The following TCEA2 variants were observed in gnomAD, a reference collection of about 807,000 sequenced individuals.
TCEA2 encodes the protein transcription elongation factor A protein 2.
TCEA2 carries 21 observed loss-of-function variants against 40.8 expected under a neutral mutation model. The ratio of observed to expected loss-of-function variants is 0.51; its 90% CI spans 0.36 to 0.74. The LOEUF (loss-of-function observed/expected upper bound fraction) is 0.74, where lower values mean the gene tolerates loss of function less well. Among genes scored for constraint, TCEA2 ranks in the 30% least tolerant of loss-of-function variants. TCEA2 has a pLI of 0.00. For synonymous variants in TCEA2, 165 were observed against 162.7 expected (o/e 1.01, Z -0.11); for missense variants, 326 against 426.5 (o/e 0.76, Z 2.08).
intron 2 of TCEA2, 90 bp from the exon 3 acceptor site, chr20:64,066,825 G>A: frequency 7.5e-7 from 1 of 1,332,066 alleles, no homozygotes; most frequent in Non-Finnish European, 1.1e-6. Flanking sequence ...CCGGGCTCCT[G>A]TCCTGTGGGG....
chr20:64,062,970 G>A (rs2059598585), upstream of TCEA2: 1 of 176,268 alleles, frequency 5.7e-6, no homozygotes, highest in South Asian at 2.0e-4. Context: ...GCTCTGGGAG[G>A]GGCGTGCCCG....
chr20:64,071,273 G>A (rs941146865), intron 8 of TCEA2, among the ~76,000 whole-genome samples: 4 of 152,090 alleles, frequency 2.6e-5, no homozygotes, highest in Admixed American at 6.5e-5. Flanking sequence ...ACTTGAACCC[G>A]GGAGACAGAG....
intron 4 of TCEA2, among the ~76,000 whole-genome samples, chr20:64,068,490 G>A (rs537944567): frequency 1.5e-4 from 23 of 152,324 alleles, no homozygotes; most frequent in African/African-American, 5.1e-4. Context: ...CTCAACGACG[G>A]TCCCTCCTTC....
Position 64,072,258 on chromosome 20 carries a change from T to C in TCEA2, c.*78T>C. On this transcript the variant is annotated 3_prime_UTR_variant, in exon 10 of 10. Coordinates refer to ENST00000343484, the MANE Select transcript of TCEA2 (RefSeq NM_003195.6). ...GTTGACACAGCTTCTCTGGAGACCCTAGAAGGCGGCATGTCCTGCCCTCAA... is the reference window on the plus strand; with the variant it reads ...GTTGACACAGCTTCTCTGGAGACCCCAGAAGGCGGCATGTCCTGCCCTCAA... The C allele has an allele frequency of 6.5e-7, 1 of 1,535,862 alleles. No individual in the cohort carries two copies. Among genetic ancestry groups the C allele is most frequent in the South Asian group, 1.2e-5 (1 of 86,638 alleles).
At chr20:64,067,703 T>C (rs1394468299) in intron 3 of TCEA2, among the ~76,000 whole-genome samples, 1 of 152,234 alleles carries the variant, frequency 6.6e-6, no homozygotes, top group Non-Finnish European at 1.5e-5. Context: ...GGAAGAGCCT[T>C]CTTGGGGACA....
intron 4 of TCEA2, among the ~76,000 whole-genome samples, chr20:64,069,031 G>A (rs1053728450): frequency 6.6e-6 from 1 of 152,252 alleles, no homozygotes; most frequent in Non-Finnish European, 1.5e-5. Flanking sequence ...CCCAGAGGTG[G>A]CAGGAACTGC....
intron 6 of TCEA2, 199 bp from the exon 7 acceptor site, chr20:64,070,061 G>A (rs2059793059): frequency 3.3e-6 from 3 of 904,508 alleles, no homozygotes; most frequent in Non-Finnish European, 5.2e-6. Context: ...CCTGAAGCTG[G>A]GTCTCAGTCA....
At chr20:64,062,619 G>C (rs116773658), upstream of TCEA2, 47 of 152,420 alleles carry the variant, frequency 3.1e-4, no homozygotes, top group African/African-American at 1.1e-3. Context: ...CCCGCACTTC[G>C]CGAACCCCAG....
chr20:64,060,046 A>G (rs2059532200), upstream of TCEA2, among the ~76,000 whole-genome samples: 1 of 152,168 alleles, frequency 6.6e-6, no homozygotes. Context: ...GCACAACTGC[A>G]CAGCCTCCTC....
rs1054457891 is a variant in TCEA2 at position 64,072,167 on chromosome 20, C to T, written c.892-5C>T. 6.2e-6 allele frequency: 10 copies of T among 1,613,570 alleles called. No homozygotes were observed. Among genetic ancestry groups the T allele is most frequent in the Middle Eastern group, 1.6e-4 (1 of 6,084 alleles). The stretch of plus-strand genomic sequence containing the variant: ...AGGCTGGAGGCCTCACCCCCTTTCT[C>T]GCAGTTCTGCTGACCCCTCGTGTAG... On this transcript the variant is annotated splice_polypyrimidine_tract_variant and splice_region_variant and intron_variant, in intron 9 of 9. Transcript: ENST00000343484.
At chr20:64,066,624 C>T (rs534172231) in intron 2 of TCEA2, 86 bp downstream of exon 2, 186 of 1,443,400 alleles carry the variant, frequency 1.3e-4, no homozygotes, top group Non-Finnish European at 1.8e-4. Context: ...GCAGGGCTTC[C>T]CCACCCTCCC....
At chr20:64,061,399 C>A (rs561984915), upstream of TCEA2, among the ~76,000 whole-genome samples, 1 of 151,488 alleles carries the variant, frequency 6.6e-6, no homozygotes, top group African/African-American at 2.4e-5. Context: ...CCTCAGCCTG[C>A]GGAGTAGCTG....
chr20:64,061,672 A>G (rs980136670), upstream of TCEA2, among the ~76,000 whole-genome samples: 1 of 151,928 alleles, frequency 6.6e-6, no homozygotes, highest in African/African-American at 2.4e-5. Flanking sequence ...CAGCCTCCCA[A>G]AGTGGTGGGA....
At chr20:64,061,400 G>A (rs933127762), upstream of TCEA2, among the ~76,000 whole-genome samples, 4 of 151,184 alleles carry the variant, frequency 2.6e-5, no homozygotes, top group Admixed American at 6.6e-5. Flanking sequence ...CTCAGCCTGC[G>A]GAGTAGCTGG....
upstream of TCEA2, among the ~76,000 whole-genome samples, chr20:64,061,080 C>T (rs992338865): frequency 3.6e-4 from 52 of 145,158 alleles, no homozygotes; most frequent in Non-Finnish European, 4.5e-4. Flanking sequence ...CATGAGCCAC[C>T]GCGCCCAGCC....
chr20:64,059,802 A>C (rs1461125050), upstream of TCEA2, among the ~76,000 whole-genome samples: 1 of 152,136 alleles, frequency 6.6e-6, no homozygotes, highest in Non-Finnish European at 1.5e-5. Flanking sequence ...CCTCATGCAA[A>C]GTCCCTCCAC....
chr20:64,072,343 T>C lies in TCEA2; in HGVS notation c.*163T>C. The C allele has an allele frequency of 1.2e-6, 1 of 812,408 alleles. No homozygotes were observed. Among genetic ancestry groups the C allele is most frequent in the Non-Finnish European group, 1.9e-6 (1 of 517,646 alleles). 50.3% of individuals were successfully genotyped at this position (812,408 alleles called of 1,614,324 possible). A position where few individuals can be genotyped will look rare whatever the true frequency, so the allele number is the denominator to read the frequency against. ...CCCCTCATTATTAAATGTTTCTTTTTGCCATCTTGTTCTCCTCAGCCGTTA... is the reference window on the plus strand; with the variant it reads ...CCCCTCATTATTAAATGTTTCTTTTCGCCATCTTGTTCTCCTCAGCCGTTA... On this transcript the variant is annotated 3_prime_UTR_variant, in exon 10 of 10. Transcript: ENST00000343484.
At chr20:64,069,884 G>C (rs1309980891) in intron 6 of TCEA2, 63 bp downstream of exon 6, 1 of 1,577,954 alleles carries the variant, frequency 6.3e-7, no homozygotes. Flanking sequence ...TGCCTGGCCT[G>C]GTGCCCTCTG....
chr20:64,060,942 G>A (rs2059550061), upstream of TCEA2, among the ~76,000 whole-genome samples: 1 of 150,256 alleles, frequency 6.7e-6, no homozygotes, highest in Non-Finnish European at 1.5e-5. Flanking sequence ...GGCGCATGCC[G>A]CCATGCCCGG....
Sources: gnomAD v4.1 joint callset for allele counts (sites outside exome capture counted in the v4.1 genomes callset) on GRCh38, gnomAD v4.1.1 for gene constraint, MANE v1.5 for transcripts, NCBI Gene and HGNC (gene_info 2026-07-23, HGNC 2026-07-21) for gene names.